MARCHF1: variants seen among roughly 807,000 people sequenced by gnomAD.
The protein encoded by MARCHF1 is membrane associated ring-CH-type finger 1.
A neutral mutation model predicts 54.2 loss-of-function variants in MARCHF1; 40 were observed. That is an observed-to-expected ratio of 0.74 (90% CI 0.57 to 0.96). The LOEUF (loss-of-function observed/expected upper bound fraction) is 0.96. Among genes scored for constraint, MARCHF1 ranks in the 40% least tolerant of loss-of-function variants. The probability of loss-of-function intolerance (pLI) is 0.00; values close to 1 mark genes in which losing one functional copy is unlikely to be tolerated. For missense variants in MARCHF1, 586 were observed against 656.5 expected (o/e 0.89, Z 1.17); for synonymous variants, 236 against 236.3 (o/e 1.00, Z 0.01).
At chr4:163,979,177 C>A (rs1405287760) in intron 3 of MARCHF1, among the ~76,000 whole-genome samples, 1 of 61,656 alleles carries the variant, frequency 1.6e-5, no homozygotes, top group South Asian at 7.1e-4. Flanking sequence ...CCCCTCCCCC[C>A]ACCCCACCAC....
At chr4:163,781,757 G>A (rs1303768958) in intron 4 of MARCHF1, among the ~76,000 whole-genome samples, 4 of 152,008 alleles carry the variant, frequency 2.6e-5, no homozygotes, top group Non-Finnish European at 5.9e-5. Context: ...GAAAAGAGAA[G>A]GAATAATTTA....
At chr4:163,738,155 G>C (rs952865122) in intron 4 of MARCHF1, among the ~76,000 whole-genome samples, 3 of 152,150 alleles carry the variant, frequency 2.0e-5, no homozygotes, top group African/African-American at 7.2e-5. Flanking sequence ...CTTCAGAAGG[G>C]GCTAGAGGAG....
In MARCHF1 at chr4:163,749,463, T is replaced by C. The variant is rs559305684; in HGVS notation, c.112-48600A>G. On this transcript the variant is annotated intron_variant, in intron 4 of 9. Transcript: ENST00000514618. ...CTTGCCCTGGAAATCCAGTAAAATA[T>C]TGAATATTAATAGAAGTGATGAGGG... 8.0e-4 allele frequency among the ~76,000 whole-genome samples: 122 copies of C among 152,228 alleles called. 1 individual carries two copies. Among genetic ancestry groups the C allele is most frequent in the South Asian group, 4.4e-3 (21 of 4,812 alleles).
chr4:163,719,466 T>C (rs558694807), intron 4 of MARCHF1, among the ~76,000 whole-genome samples: 61 of 152,326 alleles, frequency 4.0e-4, no homozygotes, highest in Admixed American at 1.8e-3. Flanking sequence ...GTCTTTGCTA[T>C]TGTGAATACT....
chr4:164,209,824 T>G (rs1560955307), intron 1 of MARCHF1, among the ~76,000 whole-genome samples: 1 of 152,128 alleles, frequency 6.6e-6, no homozygotes, highest in Non-Finnish European at 1.5e-5. Context: ...TTTTACTAAG[T>G]GGCCTCTAGA....
chr4:163,821,790 AG>A lies in MARCHF1; in HGVS notation c.111+32230del, dbSNP rs1311793689. 9.9e-5 allele frequency among the ~76,000 whole-genome samples: 4 copies of A among 40,448 alleles called. No individual in the cohort carries two copies. In the South Asian group the frequency reaches 7.8e-3, roughly 79 times the overall value. 26.5% of individuals were successfully genotyped at this position (40,448 alleles called of 152,430 possible). On this transcript the variant is annotated intron_variant, in intron 4 of 9. Transcript: ENST00000514618. ...CATATTGGCAACGTCCTGGGAAAAG[AG>A]GGTTTTTTTTTTTTTGTAAAAGAGA...
At chr4:164,042,291 T>C (rs1754145690) in intron 2 of MARCHF1, among the ~76,000 whole-genome samples, 1 of 152,002 alleles carries the variant, frequency 6.6e-6, no homozygotes, top group Non-Finnish European at 1.5e-5. Context: ...GACTGAGTAA[T>C]GTATGAAAAA....
intron 4 of MARCHF1, among the ~76,000 whole-genome samples, chr4:163,782,180 C>A (rs565939571): frequency 3.5e-5 from 5 of 142,534 alleles, no homozygotes; most frequent in Non-Finnish European, 6.2e-5. Context: ...TAGTATTATA[C>A]CCATCCTTGA....
At chr4:164,232,522 T>C (rs1236452153) in intron 1 of MARCHF1, among the ~76,000 whole-genome samples, 1 of 152,152 alleles carries the variant, frequency 6.6e-6, no homozygotes, top group Non-Finnish European at 1.5e-5. Flanking sequence ...TCTCATACCC[T>C]GAAGGTTAGA....
intron 1 of MARCHF1, among the ~76,000 whole-genome samples, chr4:164,254,161 G>T (rs1733201715): frequency 6.6e-6 from 1 of 151,894 alleles, no homozygotes; most frequent in African/African-American, 2.4e-5. Flanking sequence ...GAGTGCAGTG[G>T]CGTGATCTCG....
chr4:163,655,879 C>T (rs1418279003), intron 5 of MARCHF1, among the ~76,000 whole-genome samples: 1 of 151,838 alleles, frequency 6.6e-6, no homozygotes, highest in African/African-American at 2.4e-5. Context: ...AGACAACATG[C>T]CAGGATCTCT....
At chr4:163,553,821 C>G (rs554335912) in intron 8 of MARCHF1, among the ~76,000 whole-genome samples, 1 of 152,102 alleles carries the variant, frequency 6.6e-6, no homozygotes, top group Admixed American at 6.6e-5. Context: ...CTGTGGGCAT[C>G]GCAGGACATG....
At chr4:163,631,965 C>T (rs1273608491) in intron 5 of MARCHF1, among the ~76,000 whole-genome samples, 5 of 152,066 alleles carry the variant, frequency 3.3e-5, no homozygotes, top group South Asian at 2.1e-4. Context: ...GATACACCAA[C>T]GGCCAAAAAA....
chr4:163,985,689 G>A (rs1327779233), intron 3 of MARCHF1, among the ~76,000 whole-genome samples: 1 of 152,072 alleles, frequency 6.6e-6, no homozygotes, highest in South Asian at 2.1e-4. Context: ...AATTTTGAAT[G>A]AAGTTAAATT....
At chr4:163,671,711 AT>A (rs1743744260) in intron 5 of MARCHF1, among the ~76,000 whole-genome samples, 3 of 152,096 alleles carry the variant, frequency 2.0e-5, no homozygotes, top group Non-Finnish European at 2.9e-5. Context: ...GTATGCATAT[AT>A]TAAATTTGCA....
intron 4 of MARCHF1, among the ~76,000 whole-genome samples, chr4:163,836,469 T>C (rs550829114): frequency 6.9e-6 from 1 of 144,330 alleles, no homozygotes; most frequent in African/African-American, 2.6e-5. Flanking sequence ...ATGGTCTCGA[T>C]CTCCTGACCT....
intron 2 of MARCHF1, among the ~76,000 whole-genome samples, chr4:164,040,384 G>A (rs1227434685): frequency 1.4e-5 from 2 of 144,910 alleles, no homozygotes; most frequent in African/African-American, 5.0e-5. Flanking sequence ...TTCTATATAA[G>A]TATTTATATA....
intron 1 of MARCHF1, among the ~76,000 whole-genome samples, chr4:164,198,276 C>T (rs1453323934): frequency 1.3e-5 from 2 of 152,170 alleles, no homozygotes; most frequent in African/African-American, 4.8e-5. Flanking sequence ...ACTTCTGACT[C>T]ACAATGTGAT....
chr4:164,047,695 G>A lies in MARCHF1; in HGVS notation c.-247-58986C>T, dbSNP rs141983431. On this transcript the variant is annotated intron_variant, in intron 2 of 9. Coordinates refer to ENST00000514618, the MANE Select transcript of MARCHF1 (RefSeq NM_001394959.1). Reference sequence around the variant, plus strand: ...TTAAGTTCTCAAGAAAGACCCTTGTGTGTCATTTCTGCTAAATAAGATCAT... The same window carrying A: ...TTAAGTTCTCAAGAAAGACCCTTGTATGTCATTTCTGCTAAATAAGATCAT... 2.8e-3 allele frequency among the ~76,000 whole-genome samples: 420 copies of A among 152,224 alleles called. 2 individuals carry two copies. Among genetic ancestry groups the A allele is most frequent in the African/African-American group, 9.7e-3 (403 of 41,532 alleles).
Sources: allele counts gnomAD v4.1 joint callset (sites outside exome capture counted in the v4.1 genomes callset), GRCh38; gene constraint gnomAD v4.1.1; transcripts MANE v1.5; gene names NCBI Gene and HGNC (gene_info 2026-07-23, HGNC 2026-07-21).